Variants in PCSK2 observed in about 807,000 individuals in gnomAD.
PCSK2 encodes the protein proprotein convertase subtilisin/kexin type 2.
PCSK2 carries 14 observed loss-of-function variants against 69.7 expected under a neutral mutation model. The observed-to-expected ratio is 0.20, with a 90% CI of 0.13 to 0.31. PCSK2 has a LOEUF of 0.31. PCSK2 is among the 10% of genes least tolerant of loss of function. PCSK2 has a pLI of 1.00. For synonymous variants in PCSK2, 307 were observed against 320.7 expected (o/e 0.96, Z 0.46); for missense variants, 544 against 842.5 (o/e 0.65, Z 4.39).
intron 2 of PCSK2, among the ~76,000 whole-genome samples, chr20:17,264,469 C>T (rs80045423): frequency 0.018 from 2,736 of 152,218 alleles, 37 homozygotes; most frequent in Non-Finnish European, 0.027. Flanking sequence ...GAAGCTATAT[C>T]TTTCTAGCTT....
chr20:17,387,244 C>G (rs998868364), intron 5 of PCSK2, among the ~76,000 whole-genome samples: 1 of 152,198 alleles, frequency 6.6e-6, no homozygotes, highest in African/African-American at 2.4e-5. Context: ...CTATGCTACA[C>G]CAGAAACTGT....
At chr20:17,445,466 A>G (rs1202315999) in intron 8 of PCSK2, among the ~76,000 whole-genome samples, 1 of 152,228 alleles carries the variant, frequency 6.6e-6, no homozygotes, top group African/African-American at 2.4e-5. Flanking sequence ...CAGCGCATTG[A>G]TTGTTTACTC....
rs16999031 is a variant in PCSK2 at position 17,366,497 on chromosome 20, G to T, written c.506-2743G>T. Among the ~76,000 whole-genome samples, 1,050 of 152,244 alleles carry T rather than the reference G, an allele frequency of 6.9e-3. 9 individuals are homozygous for T. The highest frequency in any genetic ancestry group is 0.024 in the African/African-American group (1,004 of 41,542). On this transcript the variant is annotated intron_variant, in intron 4 of 11. Coordinates refer to ENST00000262545, the MANE Select transcript of PCSK2 (RefSeq NM_002594.5). ...ACCGACACTGTGCCTGGCATTCACT[G>T]CTGAGAAATAAACAAAAGCATGAAG...
At chr20:17,322,758 G>T (rs1255476124) in intron 2 of PCSK2, among the ~76,000 whole-genome samples, 1 of 152,196 alleles carries the variant, frequency 6.6e-6, no homozygotes, top group African/African-American at 2.4e-5. Context: ...GACAAGAAAG[G>T]TGAACTCTCT....
intron 2 of PCSK2, among the ~76,000 whole-genome samples, chr20:17,303,393 TA>T (rs1989160401): frequency 1.8e-5 from 2 of 114,228 alleles, no homozygotes; most frequent in African/African-American, 6.6e-5. Context: ...ATATAATATA[TA>T]ATATATGTAA....
intron 1 of PCSK2, 122 bp downstream of exon 1, chr20:17,227,604 C>CA: frequency 1.4e-6 from 1 of 703,910 alleles, no homozygotes; most frequent in Non-Finnish European, 2.4e-6. Flanking sequence ...GATATTCTGC[C>CA]ATGGGCTCTT....
chr20:17,349,438 G>T (rs1245956418), intron 2 of PCSK2, among the ~76,000 whole-genome samples: 1 of 152,172 alleles, frequency 6.6e-6, no homozygotes, highest in East Asian at 1.9e-4. Flanking sequence ...AACACCTTGT[G>T]AGAGGAAGAA....
intron 6 of PCSK2, among the ~76,000 whole-genome samples, chr20:17,421,424 C>A (rs999178397): frequency 6.6e-6 from 1 of 152,144 alleles, no homozygotes; most frequent in Non-Finnish European, 1.5e-5. Context: ...AAGTCTTACC[C>A]TGTAGAGCTC....
rs541941187 is a variant in PCSK2, at chr20:17,335,142, G to A, written c.283-23185G>A. Among the ~76,000 whole-genome samples the A allele has an allele frequency of 7.5e-4, 114 of 152,294 alleles. 1 individual carries two copies. The highest frequency in any genetic ancestry group is 1.5e-3 in the Non-Finnish European group (105 of 68,030). ...TGGTTCAGGAATTTGGGAAGGGCTT[G>A]CGGTTCCCACTTGGGATGCCATATA... On this transcript the variant is annotated intron_variant, in intron 2 of 11. Transcript: ENST00000262545.
chr20:17,340,989 C>A (rs1401023659), intron 2 of PCSK2, among the ~76,000 whole-genome samples: 2 of 152,198 alleles, frequency 1.3e-5, no homozygotes, highest in Non-Finnish European at 2.9e-5. Flanking sequence ...GTGGCTCATA[C>A]CTGTAATCCC....
intron 8 of PCSK2, among the ~76,000 whole-genome samples, chr20:17,442,052 C>T (rs192877575): frequency 1.7e-4 from 26 of 149,192 alleles, no homozygotes; most frequent in Admixed American, 1.7e-3. Context: ...CATCTGGGCA[C>T]AGATAGGCAT....
At chr20:17,445,425 G>T (rs1261135800) in intron 8 of PCSK2, among the ~76,000 whole-genome samples, 1 of 152,198 alleles carries the variant, frequency 6.6e-6, no homozygotes, top group East Asian at 1.9e-4. Context: ...TAAAGACAAG[G>T]CTACAAAAAT....
At chr20:17,315,677 A>G (rs187761265) in intron 2 of PCSK2, among the ~76,000 whole-genome samples, 1 of 152,360 alleles carries the variant, frequency 6.6e-6, no homozygotes, top group East Asian at 1.9e-4. Context: ...CCTTTCGCAC[A>G]CAACAGGCTC....
At position 17,453,184 on chromosome 20, in the gene PCSK2, TATA is replaced by T. The variant is rs1185381419; in HGVS notation, c.886-555_886-553del. Among the ~76,000 whole-genome samples, 10 of 152,162 alleles carry T rather than the reference TATA, an allele frequency of 6.6e-5. No individual in the cohort carries two copies. Among genetic ancestry groups the T allele is most frequent in the African/African-American group, 2.4e-4 (10 of 41,454 alleles). On this transcript the variant is annotated intron_variant, in intron 8 of 11. Transcript: ENST00000262545. The surrounding 1 kb of genome is among the most constrained non-coding windows in gnomAD (Gnocchi z 4.0). Reference sequence around the variant, plus strand: ...ATGGAGTAAATGTATGCTTTATATTTATAATGTCTACATATCATATTTAAATTT... The same window carrying T: ...ATGGAGTAAATGTATGCTTTATATTTATGTCTACATATCATATTTAAATTT...
chr20:17,264,677 A>C (rs1056729215), intron 2 of PCSK2, among the ~76,000 whole-genome samples: 1 of 152,210 alleles, frequency 6.6e-6, no homozygotes, highest in Non-Finnish European at 1.5e-5. Context: ...CCACTGGAGC[A>C]AAAGAAAAGT....
rs548507504 is a variant in PCSK2 at position 17,260,118 on chromosome 20, G to A, written c.178-122G>A. The A allele has an allele frequency of 1.5e-5, 10 of 685,830 alleles. No individual in the cohort carries two copies. In the East Asian group the frequency reaches 2.2e-4, roughly 15 times the overall value. The allele number at this position is 685,830 out of a possible 1,614,324, so 42.5% of individuals were successfully genotyped here. On this transcript the variant is annotated intron_variant, in intron 1 of 11. Coordinates refer to ENST00000262545, the MANE Select transcript of PCSK2 (RefSeq NM_002594.5). ...ACCAGGACTGACAGGAGGTTTGCCA[G>A]TGGTTTCCTTGCATACTTCCCTACC...
intron 2 of PCSK2, among the ~76,000 whole-genome samples, chr20:17,338,245 G>T (rs1302663146): frequency 6.6e-6 from 1 of 151,368 alleles, no homozygotes; most frequent in Non-Finnish European, 1.5e-5. Flanking sequence ...CTCCCAGGCT[G>T]GAGTGCAGTG....
intron 5 of PCSK2, among the ~76,000 whole-genome samples, chr20:17,383,186 T>C (rs1480338386): frequency 1.3e-5 from 2 of 152,208 alleles, no homozygotes; most frequent in East Asian, 3.8e-4. Flanking sequence ...TTCCTCTTTT[T>C]CTTTTGCCTT....
intron 5 of PCSK2, among the ~76,000 whole-genome samples, chr20:17,390,084 C>T (rs748952271): frequency 6.6e-6 from 1 of 152,210 alleles, no homozygotes; most frequent in Non-Finnish European, 1.5e-5. Flanking sequence ...AACAAACAAA[C>T]TGCTGCTGCA....
Sources: gnomAD v4.1 joint callset for allele counts (sites outside exome capture counted in the v4.1 genomes callset) on GRCh38, gnomAD v4.1.1 for gene constraint, Gnocchi (gnomAD v3.1) non-coding constraint, MANE v1.5 for transcripts, NCBI Gene and HGNC (gene_info 2026-07-23, HGNC 2026-07-21) for gene names.